MYBPC3: variants seen among roughly 807,000 people sequenced by gnomAD.
MYBPC3 encodes the protein myosin-binding protein C, cardiac-type.
MYBPC3 carries 108 observed loss-of-function variants against 159.3 expected under a neutral mutation model. The ratio of observed to expected loss-of-function variants is 0.68; its 90% CI spans 0.58 to 0.80. The LOEUF is 0.80. Among genes scored for constraint, MYBPC3 ranks in the 30% least tolerant of loss-of-function variants. The probability of loss-of-function intolerance (pLI) is 0.00; values close to 1 mark genes in which losing one functional copy is unlikely to be tolerated. For missense variants in MYBPC3, 1,631 were observed against 1,762.1 expected (o/e 0.93, Z 1.33); for synonymous variants, 730 against 702.0 (o/e 1.04, Z -0.63).
intron 5 of MYBPC3, 151 bp downstream of exon 5, chr11:47,349,623 T>C (rs980503978): frequency 2.0e-5 from 24 of 1,175,336 alleles, no homozygotes; most frequent in Admixed American, 1.9e-4. Context: ...TGTGGGCCCC[T>C]GGCCCCTCCA....
intron 21 of MYBPC3, 122 bp downstream of exon 21, chr11:47,339,529 C>T: frequency 6.7e-7 from 1 of 1,492,938 alleles, no homozygotes; most frequent in Admixed American, 1.9e-5. Flanking sequence ...ACCAGTCTCT[C>T]CCATGGGGTA....
intron 10 of MYBPC3, 22 bp downstream of exon 10, chr11:47,347,005 A>C (rs1227611746): frequency 2.6e-6 from 2 of 780,584 alleles, no homozygotes; most frequent in Non-Finnish European, 4.6e-6. Flanking sequence ...CCGCCCCCAA[A>C]CACCCAGACC....
Position 47,341,201 on chromosome 11 carries a change from C to CGGATTAA in MYBPC3, c.1833_1834insTTAATCC (p.Ala612LeufsTer4). 3.1e-6 allele frequency: 5 copies of CGGATTAA among 1,592,062 alleles called. No individual in the cohort carries two copies. In the Admixed American group the frequency reaches 5.3e-5, roughly 17 times the overall value. The stretch of plus-strand genomic sequence containing the variant: ...CCCTCGGGCACAAAGCTGTAGTCAG[C>CGGATTAA]CTCGTCGGCAGGTGTGACGTCGTCA... On this transcript the variant is annotated frameshift_variant, in exon 19 of 35. Transcript: ENST00000545968. LOFTEE classifies it high-confidence loss of function.
intron 12 of MYBPC3, among the ~76,000 whole-genome samples, chr11:47,345,294 G>A (rs1311450165): frequency 1.3e-5 from 2 of 152,216 alleles, no homozygotes; most frequent in African/African-American, 2.4e-5. Flanking sequence ...ATGGGGCCAC[G>A]GTGCCGGTAA....
rs371301665 is a variant in MYBPC3, at chr11:47,333,227, C to T, written c.3297G>A (p.Gly1099=). The T allele has an allele frequency of 8.8e-6, 14 of 1,596,382 alleles. No homozygotes were observed. The highest frequency in any genetic ancestry group is 1.3e-5 in the African/African-American group (1 of 74,608). Residue 1099 remains glycine, a synonymous_variant, in exon 30 of 35, where the codon GGG becomes GGA. Transcript: ENST00000545968. ...TCTTGTCGGCTTTCTGCACTGTGTACCCCCAGAGCTCCGTGTTGCCGACAT... is the reference window on the plus strand; with the variant it reads ...TCTTGTCGGCTTTCTGCACTGTGTATCCCCAGAGCTCCGTGTTGCCGACAT... ...PQDVGNTELW[G]YTVQKADKKT...
At chr11:47,339,486 CT>C in intron 21 of MYBPC3, 82 bp from the exon 22 acceptor site, 1 of 1,520,990 alleles carries the variant, frequency 6.6e-7, no homozygotes, top group South Asian at 1.2e-5. Flanking sequence ...CTTCCACCCC[CT>C]GACCCACACT....
intron 25 of MYBPC3, 139 bp downstream of exon 25, chr11:47,337,252 G>A (rs1040137456): frequency 2.4e-5 from 21 of 890,642 alleles, no homozygotes; most frequent in Admixed American, 9.1e-5. Context: ...TGTAAAATGC[G>A]GCTGAGTATC....
intron 29 of MYBPC3, 107 bp downstream of exon 29, chr11:47,333,450 C>T: frequency 6.6e-7 from 1 of 1,524,484 alleles, no homozygotes; most frequent in Non-Finnish European, 8.8e-7. Flanking sequence ...GGGCAGTGGA[C>T]TGGAAAATGT....
At chr11:47,342,197 T>C in intron 17 of MYBPC3, 41 bp from the exon 18 acceptor site, 1 of 1,603,442 alleles carries the variant, frequency 6.2e-7, no homozygotes, top group Non-Finnish European at 8.5e-7. Context: ...GGAGGGTGTG[T>C]GGGTGTGGCG....
Position 47,346,729 on chromosome 11 carries a change from A to C in MYBPC3, c.909-85T>G. 1 of 1,390,072 alleles carries C rather than the reference A, an allele frequency of 7.2e-7. No homozygotes were observed. 86.1% of individuals were successfully genotyped at this position (1,390,072 alleles called of 1,614,324 possible). ...TCCCTCAAAGACCTGGACCCCACCC[A>C]TGGGCCTTTACTTCCTCCCTATTTT... On this transcript the variant is annotated intron_variant, in intron 10 of 34. Transcript: ENST00000545968. The surrounding 1 kb of genome is among the most constrained non-coding windows in gnomAD (Gnocchi z 5.3).
In MYBPC3 at chr11:47,333,179, A is replaced by C; in HGVS notation, c.3330+15T>G. Reference sequence around the variant, plus strand: ...TAGGCAGGGTGCACGTGGGGACCCCAGACCCTGGGCTCACCATGGTCTTCT... The same window carrying C: ...TAGGCAGGGTGCACGTGGGGACCCCCGACCCTGGGCTCACCATGGTCTTCT... On this transcript the variant is annotated intron_variant, in intron 30 of 34. Coordinates refer to ENST00000545968, the MANE Select transcript of MYBPC3 (RefSeq NM_000256.3). 1 of 1,600,580 alleles carries C rather than the reference A, an allele frequency of 6.2e-7. No homozygotes were observed. Among genetic ancestry groups the C allele is most frequent in the Non-Finnish European group, 8.5e-7 (1 of 1,173,564 alleles).
intron 12 of MYBPC3, 115 bp from the exon 13 acceptor site, chr11:47,343,739 G>T (rs917665912): frequency 4.9e-6 from 5 of 1,010,542 alleles, no homozygotes; most frequent in Middle Eastern, 3.2e-4. Flanking sequence ...CCTCTGTGCC[G>T]CCCCGCTTCC....
chr11:47,350,626 T>A lies in MYBPC3; in HGVS notation c.293-11A>T. The A allele has an allele frequency of 1.4e-6, 2 of 1,473,992 alleles. No homozygotes were observed. The highest frequency in any genetic ancestry group is 1.8e-6 in the Non-Finnish European group (2 of 1,120,442). The allele number at this position is 1,473,992 out of a possible 1,614,324, so 91.3% of individuals were successfully genotyped here. On this transcript the variant is annotated splice_polypyrimidine_tract_variant and intron_variant, in intron 2 of 34. Transcript: ENST00000545968. ...TGGGCTCTGCCTTCTCTGGAGGGGA[T>A]CAGATGGGAGTCGTGGTGCAGCCAC...
intron 17 of MYBPC3, 69 bp downstream of exon 17, chr11:47,342,509 G>C: frequency 6.9e-7 from 1 of 1,454,454 alleles, no homozygotes; most frequent in Non-Finnish European, 9.1e-7. Flanking sequence ...CTCCCCTACA[G>C]GGCTAGGTGG....
chr11:47,335,095 C>A lies in MYBPC3; in HGVS notation c.2852G>T (p.Gly951Val). The A allele has an allele frequency of 6.2e-7, 1 of 1,604,970 alleles. No homozygotes were observed. Among genetic ancestry groups the A allele is most frequent in the Non-Finnish European group, 8.5e-7 (1 of 1,175,048 alleles). Residue 951 changes from glycine (G) to valine (V), a missense_variant, in exon 27 of 35, where the codon GGG becomes GTG. By Grantham distance (109) the Gly-to-Val change is moderately radical. Transcript: ENST00000545968. ...CGTGGTGGTAACAGGGGCTCCAGGC[C>A]CTGCCATATTGTGTGCCCGCACTCG... ...LFRVRAHNMAGPGAPVTTTEP... is the reference protein window; with the variant it reads ...LFRVRAHNMAVPGAPVTTTEP...
rs1457811272 is a variant in MYBPC3, at chr11:47,337,787, T to C, written c.2316A>G (p.Pro772=). ...VNLTVKVIDV[P]DAPAAPKISN... is the part of the protein sequence containing the mutation. ...TGATCTTGGGGGCCGCAGGTGCGTC[T>C]GGCACGTCTGGATGGGGTGGGATGG... The change falls in exon 24 of 35, where the codon CCA becomes CCG. Residue 772 remains proline (P), a synonymous_variant. Coordinates refer to ENST00000545968, the MANE Select transcript of MYBPC3 (RefSeq NM_000256.3). 2 of 1,551,220 alleles carry C rather than the reference T, an allele frequency of 1.3e-6. No individual in the cohort carries two copies. Among genetic ancestry groups the C allele is most frequent in the South Asian group, 2.4e-5 (2 of 84,086 alleles).
chr11:47,341,044 G>T lies in MYBPC3; in HGVS notation c.1898-12C>A. ...GTCAATCTTGACCTCTGCAAGAGAAGGAAGAGCAAGTAGCACGGGGGCAAA... is the reference window on the plus strand; with the variant it reads ...GTCAATCTTGACCTCTGCAAGAGAATGAAGAGCAAGTAGCACGGGGGCAAA... On this transcript the variant is annotated splice_polypyrimidine_tract_variant and intron_variant, in intron 19 of 34. Transcript: ENST00000545968. 6.3e-7 allele frequency: 1 copy of T among 1,575,910 alleles called. No individual in the cohort carries two copies. Among genetic ancestry groups the T allele is most frequent in the Non-Finnish European group, 8.6e-7 (1 of 1,159,826 alleles).
chr11:47,347,379 G>C, intron 9 of MYBPC3, 47 bp downstream of exon 9: 1 of 1,558,060 alleles, frequency 6.4e-7, no homozygotes, highest in Non-Finnish European at 8.7e-7. Flanking sequence ...CTGGGATTTG[G>C]AGCCAGGCCT....
At chr11:47,349,276 C>T (rs1258609757) in intron 5 of MYBPC3, among the ~76,000 whole-genome samples, 1 of 152,110 alleles carries the variant, frequency 6.6e-6, no homozygotes, top group Non-Finnish European at 1.5e-5. Flanking sequence ...GGTTCTAGGC[C>T]TATGTCTAAG....
Sources: gnomAD v4.1 joint callset for allele counts (sites outside exome capture counted in the v4.1 genomes callset) on GRCh38, gnomAD v4.1.1 for gene constraint, Gnocchi (gnomAD v3.1) non-coding constraint, MANE v1.5 for transcripts, NCBI Gene and HGNC (gene_info 2026-07-23, HGNC 2026-07-21) for gene names.